Variants in ERBIN observed in about 807,000 individuals in gnomAD.
The protein encoded by ERBIN is densin-180-like protein.
Under a neutral mutation model 158.4 loss-of-function variants are expected in ERBIN, and 60 were observed. The ratio of observed to expected loss-of-function variants is 0.38; its 90% CI spans 0.31 to 0.47. The LOEUF (loss-of-function observed/expected upper bound fraction) is 0.47. Ranked by LOEUF, ERBIN falls within the 20% of genes least tolerant of loss-of-function variation. ERBIN has a pLI of 0.99. For missense variants in ERBIN, 1,610 were observed against 1,648.0 expected, an observed-to-expected ratio of 0.98 and a Z score of 0.40; for synonymous variants, 594 against 557.2, an observed-to-expected ratio of 1.07 and a Z score of -0.93.
rs569735087 is a variant in ERBIN, at chr5:65,958,836, G to C, written c.-57-29799G>C. ...AACACTTTCTTATAAAATAGGCTTTGTGTTGGGTGATTCTGCCCAACTGCA... is the reference window on the plus strand; with the variant it reads ...AACACTTTCTTATAAAATAGGCTTTCTGTTGGGTGATTCTGCCCAACTGCA... On this transcript the variant is annotated intron_variant, in intron 1 of 25. Transcript: ENST00000284037. 4.6e-5 allele frequency among the ~76,000 whole-genome samples: 7 copies of C among 152,272 alleles called. No homozygotes were observed. In the South Asian group the frequency reaches 1.4e-3, roughly 32 times the overall value.
At chr5:65,984,659 T>C (rs1414437760) in intron 1 of ERBIN, 1 of 152,274 alleles carries the variant, frequency 6.6e-6, no homozygotes, top group Non-Finnish European at 1.5e-5. Flanking sequence ...ATAGATAAAG[T>C]GCTGAGCAAG....
chr5:65,996,953 T>TA (rs1461128535), intron 4 of ERBIN, among the ~76,000 whole-genome samples: 2 of 152,206 alleles, frequency 1.3e-5, no homozygotes, highest in African/African-American at 4.8e-5. Flanking sequence ...GTAAAAATGC[T>TA]ACTGATTTTT....
In ERBIN at chr5:65,928,068, G is replaced by T. The variant is rs187513265; in HGVS notation, c.-58+1262G>T. 8.5e-5 allele frequency among the ~76,000 whole-genome samples: 13 copies of T among 152,240 alleles called. No homozygotes were observed. In the East Asian group the frequency reaches 2.5e-3, roughly 29 times the overall value. On this transcript the variant is annotated intron_variant, in intron 1 of 25. Transcript: ENST00000284037. ...CGTAATGACCGGAAACCCGAGGAGA[G>T]AGTTGATTTTCTTTAGTTCAAAGAG...
intron 1 of ERBIN, among the ~76,000 whole-genome samples, chr5:65,986,532 A>G (rs973207849): frequency 6.6e-6 from 1 of 152,246 alleles, no homozygotes; most frequent in Non-Finnish European, 1.5e-5. Context: ...ATAGCGACAA[A>G]TAGTTTGATG....
At chr5:65,986,317 C>T (rs1227081349) in intron 1 of ERBIN, among the ~76,000 whole-genome samples, 2 of 152,202 alleles carry the variant, frequency 1.3e-5, no homozygotes, top group Non-Finnish European at 2.9e-5. Context: ...CATGGTCTTA[C>T]TCCATTTCAG....
chr5:65,995,975 T>C (rs977942569), intron 4 of ERBIN, among the ~76,000 whole-genome samples: 1 of 152,188 alleles, frequency 6.6e-6, no homozygotes, highest in African/African-American at 2.4e-5. Flanking sequence ...TTCTTGTTAT[T>C]GAGGTTTTTT....
chr5:65,971,434 T>C (rs1047369907), intron 1 of ERBIN, among the ~76,000 whole-genome samples: 8 of 152,196 alleles, frequency 5.3e-5, no homozygotes, highest in African/African-American at 1.7e-4. Flanking sequence ...TTTTCACTTA[T>C]TTGAACTTTC....
intron 1 of ERBIN, among the ~76,000 whole-genome samples, chr5:65,938,512 G>C (rs1406195199): frequency 2.6e-5 from 4 of 151,660 alleles, no homozygotes; most frequent in Admixed American, 2.6e-4. Flanking sequence ...TTTATTTGTA[G>C]AGATGTGGTC....
chr5:66,070,021 T>TTTTA (rs777096119), intron 21 of ERBIN, among the ~76,000 whole-genome samples: 13 of 152,066 alleles, frequency 8.5e-5, no homozygotes, highest in African/African-American at 1.9e-4. Flanking sequence ...AACCTCCCAA[T>TTTTA]TTTATTTATT....
chr5:66,021,488 T>C, intron 8 of ERBIN, 103 bp downstream of exon 8: 1 of 881,540 alleles, frequency 1.1e-6, no homozygotes, highest in Non-Finnish European at 1.6e-6. Flanking sequence ...AAGGTTTACT[T>C]TTTTTTCTTA....
chr5:65,979,924 C>T (rs1222128959), intron 1 of ERBIN, among the ~76,000 whole-genome samples: 1 of 152,180 alleles, frequency 6.6e-6, no homozygotes, highest in African/African-American at 2.4e-5. Flanking sequence ...TATACACATA[C>T]TCTTTTATAG....
intron 4 of ERBIN, among the ~76,000 whole-genome samples, chr5:66,002,512 A>G (rs1387576160): frequency 6.6e-6 from 1 of 152,210 alleles, no homozygotes; most frequent in Admixed American, 6.5e-5. Context: ...TCTTATATGA[A>G]CATAATGAAT....
At chr5:66,002,041 A>G (rs953396832) in intron 4 of ERBIN, among the ~76,000 whole-genome samples, 1 of 151,660 alleles carries the variant, frequency 6.6e-6, no homozygotes, top group Non-Finnish European at 1.5e-5. Context: ...TTCAACTCCC[A>G]CTTATGAGCA....
chr5:66,044,915 A>C (rs1758275049), intron 17 of ERBIN, among the ~76,000 whole-genome samples: 2 of 151,956 alleles, frequency 1.3e-5, no homozygotes, highest in Non-Finnish European at 2.9e-5. Flanking sequence ...TTATACAGAA[A>C]GTTTAAAAAA....
At chr5:66,078,014 G>A (rs1375864556) in intron 25 of ERBIN, among the ~76,000 whole-genome samples, 2 of 152,158 alleles carry the variant, frequency 1.3e-5, no homozygotes, top group African/African-American at 4.8e-5. Flanking sequence ...TTGGTACACA[G>A]TAGAACCTCA....
At position 65,926,815 on chromosome 5, in the gene ERBIN, C is replaced by T. The variant is rs1165779399; in HGVS notation, c.-58+9C>T. 3.3e-5 allele frequency: 5 copies of T among 152,092 alleles called. No individual in the cohort carries two copies. Among genetic ancestry groups the T allele is most frequent in the African/African-American group, 7.2e-5 (3 of 41,420 alleles). The allele number at this position is 152,092 out of a possible 1,614,324, so 9.4% of individuals were successfully genotyped here. On this transcript the variant is annotated intron_variant, in intron 1 of 25. Coordinates refer to ENST00000284037, the MANE Select transcript of ERBIN (RefSeq NM_001253697.2). ...CGGTGTCCCGCCGAAAGGTAATTTT[C>T]ACGAAAAGTGTCTCTGAGTCACAAA...
intron 21 of ERBIN, chr5:66,068,821 T>A: frequency 7.0e-7 from 1 of 1,435,324 alleles, no homozygotes; most frequent in Non-Finnish European, 9.2e-7. Flanking sequence ...ATAACATGTC[T>A]CGTGGATTTT....
At chr5:65,954,069 TCAGTTGGGTTTAGTTTGCTGACTGA>T (rs1746815688) in intron 1 of ERBIN, among the ~76,000 whole-genome samples, 1 of 152,170 alleles carries the variant, frequency 6.6e-6, no homozygotes, top group African/African-American at 2.4e-5. Flanking sequence ...AAAGAACACA[TCAGTTGGGTTTAGTTTGCTGACTGA>T]CAGTTGGGTA....
intron 1 of ERBIN, among the ~76,000 whole-genome samples, 171 bp from the exon 2 acceptor site, chr5:65,988,464 G>T (rs982295382): frequency 6.6e-6 from 1 of 151,730 alleles, no homozygotes; most frequent in Non-Finnish European, 1.5e-5. Flanking sequence ...TTTTTAAGAG[G>T]CTAATATTTT....
Sources: allele counts gnomAD v4.1 joint callset (sites outside exome capture counted in the v4.1 genomes callset), GRCh38; gene constraint gnomAD v4.1.1; transcripts MANE v1.5; gene names NCBI Gene and HGNC (gene_info 2026-07-23, HGNC 2026-07-21).